Variants in SLC5A10 observed in about 807,000 individuals in gnomAD.
SLC5A10 encodes sodium/mannose cotransporter SLC5A10.
A neutral mutation model predicts 68.9 loss-of-function variants in SLC5A10; 55 were observed. The ratio of observed to expected loss-of-function variants is 0.80; its 90% CI spans 0.64 to 1.00. The LOEUF (loss-of-function observed/expected upper bound fraction) is 1.00, where lower values mean the gene tolerates loss of function less well. Ranked by LOEUF, SLC5A10 falls within the 50% of genes least tolerant of loss-of-function variation. SLC5A10 has a pLI of 0.00. For synonymous variants in SLC5A10, 344 were observed against 344.8 expected, an observed-to-expected ratio of 1.00 and a Z score of 0.02; for missense variants, 732 against 819.3, an observed-to-expected ratio of 0.89 and a Z score of 1.30.
rs2042833322 is a variant in SLC5A10 at position 18,971,169 on chromosome 17, T to G, written c.797T>G (p.Met266Arg). The change falls in exon 8 of 15, where the codon ATG (methionine) becomes AGG (arginine). Residue 266 changes from methionine to arginine, a missense_variant. By Grantham distance (91) the Met-to-Arg change is moderately conservative. Transcript: ENST00000395645. This position sits in a 1 kb window ranked among gnomAD's most constrained non-coding sequence, Gnocchi z 5.5. The stretch of plus-strand genomic sequence containing the variant: ...ACAGGGGACCTGCCGTGGACCGGGA[T>G]GACCTTTGGCCTGACCATCATGGCC... ...PHTGDLPWTG[M>R]TFGLTIMATW... 1 of 1,613,990 alleles carries G rather than the reference T, an allele frequency of 6.2e-7. No individual in the cohort carries two copies. Among genetic ancestry groups the G allele is most frequent in the Non-Finnish European group, 8.5e-7 (1 of 1,180,038 alleles).
chr17:18,984,563 A>G (rs2043220642), intron 9 of SLC5A10, among the ~76,000 whole-genome samples: 1 of 152,138 alleles, frequency 6.6e-6, no homozygotes, highest in Admixed American at 6.5e-5. Context: ...TTCTTTGTTC[A>G]TCAGAAACGG....
chr17:18,995,118 A>G (rs2043530673), intron 9 of SLC5A10, among the ~76,000 whole-genome samples: 1 of 152,264 alleles, frequency 6.6e-6, no homozygotes, highest in South Asian at 2.1e-4. Flanking sequence ...GTATCCAATT[A>G]AAAATTACCA....
At chr17:18,979,415 T>C in intron 9 of SLC5A10, 1 of 1,065,306 alleles carries the variant, frequency 9.4e-7, no homozygotes, top group Non-Finnish European at 1.3e-6. Flanking sequence ...CGGGCAGATG[T>C]GCTCCAGCCC....
intron 9 of SLC5A10, among the ~76,000 whole-genome samples, chr17:18,987,078 G>A (rs566369188): frequency 6.6e-6 from 1 of 152,188 alleles, no homozygotes; most frequent in Non-Finnish European, 1.5e-5. Context: ...GGGGTTGGAG[G>A]GGGTGGGCGC....
intron 9 of SLC5A10, among the ~76,000 whole-genome samples, chr17:18,989,182 G>A (rs1381123041): frequency 1.4e-5 from 1 of 71,444 alleles, no homozygotes; most frequent in African/African-American, 5.3e-5. Flanking sequence ...CCCACCCTCC[G>A]AGCCTGGCAC....
At chr17:18,955,731 A>G (rs1243406738) in intron 1 of SLC5A10, among the ~76,000 whole-genome samples, 1 of 152,246 alleles carries the variant, frequency 6.6e-6, no homozygotes, top group Non-Finnish European at 1.5e-5. Context: ...ACAAAGAGAA[A>G]GTGGTGGGAG....
intron 9 of SLC5A10, among the ~76,000 whole-genome samples, chr17:18,993,604 C>T (rs1252803670): frequency 6.6e-6 from 1 of 152,224 alleles, no homozygotes; most frequent in Non-Finnish European, 1.5e-5. Flanking sequence ...TGCCCCAGAA[C>T]CTGGAGCCCT....
chr17:18,986,970 G>A (rs965336589), intron 9 of SLC5A10, among the ~76,000 whole-genome samples: 3 of 152,198 alleles, frequency 2.0e-5, no homozygotes, highest in Non-Finnish European at 4.4e-5. Flanking sequence ...GGGGCTTGGG[G>A]CCAACCCACC....
chr17:18,954,660 G>C (rs1451492945), intron 1 of SLC5A10, among the ~76,000 whole-genome samples: 10 of 152,224 alleles, frequency 6.6e-5, no homozygotes, highest in Admixed American at 2.0e-4. Context: ...CGGGGGCCGG[G>C]GGGAGGCCTT....
At chr17:18,976,613 T>C (rs2042986658) in intron 8 of SLC5A10, 1 of 536,048 alleles carries the variant, frequency 1.9e-6, no homozygotes, top group Non-Finnish European at 3.3e-6. Flanking sequence ...TATTGACAGG[T>C]CAGGGGACTG....
chr17:19,016,521 G>A (rs2044144477), intron 11 of SLC5A10, among the ~76,000 whole-genome samples: 2 of 152,162 alleles, frequency 1.3e-5, no homozygotes, highest in South Asian at 4.1e-4. Flanking sequence ...CAGGAGCCCA[G>A]GGCACCCATC....
chr17:18,959,654 C>A lies in SLC5A10; in HGVS notation c.339C>A (p.Ile113=). The A allele has an allele frequency of 1.2e-6, 2 of 1,614,068 alleles. No individual in the cohort carries two copies. Among genetic ancestry groups the A allele is most frequent in the Non-Finnish European group, 1.7e-6 (2 of 1,180,014 alleles). The change falls in exon 4 of 15, where the codon ATC becomes ATA. Residue 113 remains isoleucine (I), a synonymous_variant. Transcript: ENST00000395645. ...CATGGGTGTTCGTGCCCATCTACAT[C>A]TCCTCAGAGGTGAGTCTACTCATGG... is the stretch of plus-strand genomic sequence containing the variant. The part of the protein sequence containing the change: ...ALAWVFVPIY[I]SSEIVTLPEY...
At chr17:18,950,829 C>T, upstream of SLC5A10, 1 of 298,884 alleles carries the variant, frequency 3.3e-6, no homozygotes. Context: ...AATTCTCCTG[C>T]CTCAGCCTCC....
rs768690321 is a variant in SLC5A10, at chr17:18,971,577, G to A, written c.846+359G>A. 6.8e-6 allele frequency: 11 copies of A among 1,613,570 alleles called. No individual in the cohort carries two copies. Among genetic ancestry groups the A allele is most frequent in the African/African-American group, 1.3e-5 (1 of 74,918 alleles). On this transcript the variant is annotated intron_variant, in intron 8 of 14. Transcript: ENST00000395645. The surrounding 1 kb of genome is among the most constrained non-coding windows in gnomAD (Gnocchi z 5.5). ...CTGCCGGGATCCGGAAGCAGGCGGGGTACCTGACCTCCCTTGGCCTGCCAG... is the reference window on the plus strand; with the variant it reads ...CTGCCGGGATCCGGAAGCAGGCGGGATACCTGACCTCCCTTGGCCTGCCAG...
chr17:18,952,232 C>G lies in SLC5A10; in HGVS notation c.27C>G (p.Leu9=). The stretch of plus-strand genomic sequence containing the variant: ...TGGCCGCCAACTCCACCAGCGACCT[C>G]CACACTCCCGGGACGCAGCTGAGCG... MAANSTSD[L]HTPGTQLSVA... is the part of the protein sequence containing the mutation. The change falls in exon 1 of 15, where the codon CTC becomes CTG. Residue 9 remains leucine, a synonymous_variant. Transcript: ENST00000395645. 4 of 1,613,690 alleles carry G rather than the reference C, an allele frequency of 2.5e-6. No homozygotes were observed. The highest frequency in any genetic ancestry group is 3.4e-6 in the Non-Finnish European group (4 of 1,179,860).
intron 9 of SLC5A10, chr17:18,977,272 C>T (rs2043003825): frequency 1.7e-6 from 1 of 583,006 alleles, no homozygotes; most frequent in African/African-American, 1.9e-5. Flanking sequence ...AGGGACTGTG[C>T]CACCCATCTG....
At position 19,001,698 on chromosome 17, in the gene SLC5A10, C is replaced by T. The variant is rs144889057; in HGVS notation, c.983-11712C>T. On this transcript the variant is annotated intron_variant, in intron 9 of 14. Transcript: ENST00000395645. Reference sequence around the variant, plus strand: ...GCTCCAGGTGGCTCATGGGACTGTACGGAGTGGCTGGGTCACAGCTGTAGC... The same window carrying T: ...GCTCCAGGTGGCTCATGGGACTGTATGGAGTGGCTGGGTCACAGCTGTAGC... Among the ~76,000 whole-genome samples, 34 of 152,318 alleles carry T rather than the reference C, an allele frequency of 2.2e-4. No individual in the cohort carries two copies. The East Asian group carries it at 3.9e-3, about 17-fold the overall frequency.
chr17:18,977,675 C>T (rs1228388570), intron 9 of SLC5A10: 6 of 1,610,600 alleles, frequency 3.7e-6, no homozygotes. Flanking sequence ...TGGGGAGCCA[C>T]CCTGGGGTCC....
chr17:18,978,845 G>A lies in SLC5A10; in HGVS notation c.982+1856G>A, dbSNP rs753302947. 28 of 1,611,374 alleles carry A rather than the reference G, an allele frequency of 1.7e-5. No individual in the cohort carries two copies. The highest frequency in any genetic ancestry group is 3.3e-5 in the Admixed American group (2 of 59,988). The stretch of plus-strand genomic sequence containing the variant: ...CCGGTCCGTCCGCGCGGCCGACCAC[G>A]TGAAGCTGCAACAGAGGGAGGGGGC... On this transcript the variant is annotated intron_variant, in intron 9 of 14. Transcript: ENST00000395645.
Sources: gnomAD v4.1 joint callset for allele counts (sites outside exome capture counted in the v4.1 genomes callset) on GRCh38, gnomAD v4.1.1 for gene constraint, Gnocchi (gnomAD v3.1) non-coding constraint, MANE v1.5 for transcripts, NCBI Gene and HGNC (gene_info 2026-07-23, HGNC 2026-07-21) for gene names.